Variants in ANKS1B observed in about 807,000 individuals in gnomAD.
The protein encoded by ANKS1B is ankyrin repeat and sterile alpha motif domain-containing protein 1B.
Under a neutral mutation model 148.3 loss-of-function variants are expected in ANKS1B, and 36 were observed. The observed-to-expected ratio is 0.24, with a 90% CI of 0.19 to 0.32. The LOEUF is 0.32. Ranked by LOEUF, ANKS1B falls within the 10% of genes least tolerant of loss-of-function variation. The pLI, the probability that ANKS1B is intolerant of heterozygous loss-of-function variation, is 1.00. For missense variants in ANKS1B, 1,157 were observed against 1,542.6 expected (o/e 0.75, Z 4.19); for synonymous variants, 542 against 560.8 (o/e 0.97, Z 0.47).
At chr12:99,413,251 T>C (rs1041265281) in intron 11 of ANKS1B, among the ~76,000 whole-genome samples, 2 of 152,142 alleles carry the variant, frequency 1.3e-5, no homozygotes, top group South Asian at 4.1e-4. Flanking sequence ...CTCAGTTAAG[T>C]GGGAGAGCTG....
intron 1 of ANKS1B, among the ~76,000 whole-genome samples, chr12:99,841,177 T>C (rs2085688094): frequency 6.6e-6 from 1 of 152,094 alleles, no homozygotes; most frequent in Non-Finnish European, 1.5e-5. Flanking sequence ...TTAAATTAGA[T>C]GTAAAGTGCT....
chr12:99,883,619 G>GGA (rs2092662726), intron 1 of ANKS1B, among the ~76,000 whole-genome samples: 2 of 137,070 alleles, frequency 1.5e-5, no homozygotes, highest in African/African-American at 7.2e-5. Context: ...CTTGGGGCAG[G>GGA]GGGGAATCTG....
chr12:98,910,933 CAT>C lies in ANKS1B; in HGVS notation c.2779-78799_2779-78798del, dbSNP rs1307056132. ...CCTTAAAGTAGCCAAATCTGACAATCATAGAAAATGGCAAGGCAGGATACTGG... is the reference window on the plus strand; with the variant it reads ...CCTTAAAGTAGCCAAATCTGACAATCAGAAAATGGCAAGGCAGGATACTGG... On this transcript the variant is annotated intron_variant, in intron 17 of 26. Transcript: ENST00000683438. Among the ~76,000 whole-genome samples the C allele has an allele frequency of 2.0e-5, 3 of 152,112 alleles. No homozygotes were observed. In the East Asian group the frequency reaches 5.8e-4, roughly 29 times the overall value.
chr12:99,853,517 C>T (rs2088381933), intron 1 of ANKS1B, among the ~76,000 whole-genome samples: 2 of 152,110 alleles, frequency 1.3e-5, no homozygotes. Context: ...CAGGAATCCC[C>T]ATCACTAGGG....
chr12:99,767,409 A>C (rs1036907518), intron 8 of ANKS1B, among the ~76,000 whole-genome samples: 8 of 152,028 alleles, frequency 5.3e-5, no homozygotes, highest in African/African-American at 1.7e-4. Context: ...AATGTTTAAA[A>C]AAAAAACAAA....
intron 12 of ANKS1B, among the ~76,000 whole-genome samples, chr12:99,253,990 T>C (rs1257393558): frequency 2.0e-5 from 3 of 152,222 alleles, no homozygotes; most frequent in African/African-American, 7.2e-5. Context: ...ATAATTGGCC[T>C]GTAATCTTCA....
At chr12:99,404,924 G>T (rs1312061004) in intron 11 of ANKS1B, among the ~76,000 whole-genome samples, 1 of 146,104 alleles carries the variant, frequency 6.8e-6, no homozygotes, top group African/African-American at 2.6e-5. Context: ...AGCAAATAAC[G>T]TACAATGAAG....
intron 17 of ANKS1B, among the ~76,000 whole-genome samples, chr12:98,845,137 T>C (rs1036468184): frequency 2.0e-5 from 3 of 152,226 alleles, no homozygotes; most frequent in African/African-American, 7.2e-5. Flanking sequence ...TGAACCCATT[T>C]AGAATAATTT....
At chr12:98,987,281 T>G (rs1367121973) in intron 17 of ANKS1B, among the ~76,000 whole-genome samples, 2 of 151,812 alleles carry the variant, frequency 1.3e-5, no homozygotes, top group African/African-American at 4.8e-5. Context: ...ATTAAAATTT[T>G]AACTTCATTA....
chr12:99,598,933 C>T (rs538312404), intron 9 of ANKS1B, among the ~76,000 whole-genome samples: 1 of 152,098 alleles, frequency 6.6e-6, no homozygotes, highest in African/African-American at 2.4e-5. Flanking sequence ...GGGTGGGCCA[C>T]GCTCCCTCCA....
At chr12:99,649,489 G>A in intron 9 of ANKS1B, 1 of 989,014 alleles carries the variant, frequency 1.0e-6, no homozygotes. Flanking sequence ...GGGCAGGGTA[G>A]CAACAGCAGT....
intron 8 of ANKS1B, among the ~76,000 whole-genome samples, chr12:99,655,550 G>C (rs1267970955): frequency 6.6e-6 from 1 of 152,012 alleles, no homozygotes; most frequent in African/African-American, 2.4e-5. Flanking sequence ...ATAAAATTAA[G>C]GAAAAATGCA....
At chr12:99,154,157 A>C in intron 15 of ANKS1B, 132 bp downstream of exon 15, 1 of 1,146,676 alleles carries the variant, frequency 8.7e-7, no homozygotes, top group South Asian at 1.6e-5. Context: ...AAGGGCATCC[A>C]ATTTTCCAAT....
chr12:98,820,083 A>T (rs1295953391), intron 19 of ANKS1B, among the ~76,000 whole-genome samples: 1 of 152,242 alleles, frequency 6.6e-6, no homozygotes, highest in Non-Finnish European at 1.5e-5. Flanking sequence ...TATTCTTAAT[A>T]GGATTTTTCA....
intron 1 of ANKS1B, among the ~76,000 whole-genome samples, chr12:99,848,157 A>G (rs2087022952): frequency 6.6e-6 from 1 of 151,962 alleles, no homozygotes; most frequent in South Asian, 2.1e-4. Context: ...GATAGCATCT[A>G]TTTGTGGGAG....
intron 17 of ANKS1B, among the ~76,000 whole-genome samples, chr12:98,956,050 G>A (rs4536282): frequency 0.12 from 17,920 of 152,180 alleles, 1,329 homozygotes; most frequent in East Asian, 0.22. Flanking sequence ...CAATGTGCTG[G>A]CCATCTTCCC....
chr12:98,826,696 T>G (rs1025761937), intron 19 of ANKS1B, among the ~76,000 whole-genome samples: 1 of 152,150 alleles, frequency 6.6e-6, no homozygotes, highest in African/African-American at 2.4e-5. Flanking sequence ...TAGTGGGAAA[T>G]GGACTGGTTA....
intron 10 of ANKS1B, among the ~76,000 whole-genome samples, chr12:99,484,019 T>C (rs1243109086): frequency 6.6e-6 from 1 of 152,048 alleles, no homozygotes; most frequent in Non-Finnish European, 1.5e-5. Context: ...ATCTTTGTTA[T>C]CTTTTTTCTT....
chr12:98,834,014 A>G (rs2099347535), intron 17 of ANKS1B, among the ~76,000 whole-genome samples: 1 of 152,136 alleles, frequency 6.6e-6, no homozygotes, highest in African/African-American at 2.4e-5. Flanking sequence ...TTTTGGCCTA[A>G]ACTGATGTAG....
Sources: gnomAD v4.1 joint callset for allele counts (sites outside exome capture counted in the v4.1 genomes callset) on GRCh38, gnomAD v4.1.1 for gene constraint, MANE v1.5 for transcripts, NCBI Gene and HGNC (gene_info 2026-07-23, HGNC 2026-07-21) for gene names.